Variants in DGCR8 observed in about 807,000 individuals in gnomAD.
DGCR8 encodes microprocessor complex subunit DGCR8.
A neutral mutation model predicts 78.5 loss-of-function variants in DGCR8; 14 were observed. That is an observed-to-expected ratio of 0.18 (90% CI 0.12 to 0.28). The LOEUF is 0.28. Among genes scored for constraint, DGCR8 ranks in the 10% least tolerant of loss-of-function variants. The probability of loss-of-function intolerance (pLI) is 1.00; values close to 1 mark genes in which losing one functional copy is unlikely to be tolerated. For synonymous variants in DGCR8, 399 were observed against 402.4 expected (o/e 0.99, Z 0.10); for missense variants, 702 against 1,022.5 (o/e 0.69, Z 4.28).
intron 1 of DGCR8, among the ~76,000 whole-genome samples, chr22:20,081,902 A>G (rs1415548852): frequency 6.6e-6 from 1 of 151,938 alleles, no homozygotes; most frequent in Admixed American, 6.6e-5. Context: ...ACCTATTTCT[A>G]AGCACAGACC....
At chr22:20,105,058 A>C (rs1011166391) in intron 9 of DGCR8, among the ~76,000 whole-genome samples, 1 of 152,250 alleles carries the variant, frequency 6.6e-6, no homozygotes, top group South Asian at 2.1e-4. Context: ...GCTGATGGGT[A>C]ATCTCCAGTG....
intron 1 of DGCR8, among the ~76,000 whole-genome samples, chr22:20,081,386 C>T (rs1452132872): frequency 6.6e-6 from 1 of 152,224 alleles, no homozygotes; most frequent in Non-Finnish European, 1.5e-5. Context: ...GGGAGCTTGC[C>T]GTGAGCCCGT....
intron 8 of DGCR8, 133 bp from the exon 9 acceptor site, chr22:20,094,580 G>T: frequency 1.3e-6 from 1 of 765,100 alleles, no homozygotes; most frequent in East Asian, 2.5e-5. Context: ...TCACTGAAGT[G>T]CTGTCTCTCC....
At chr22:20,107,237 A>AC (rs2049781895) in intron 11 of DGCR8, 34 bp from the exon 12 acceptor site, 1 of 1,613,258 alleles carries the variant, frequency 6.2e-7, no homozygotes, top group Admixed American at 1.7e-5. Flanking sequence ...GGTGTTTGTG[A>AC]CCCCCTCTCC....
Position 20,111,108 on chromosome 22 carries a change from G to A in DGCR8, c.*1000G>A, listed in dbSNP as rs544023681. The A allele has an allele frequency of 4.0e-5, 16 of 398,318 alleles. No homozygotes were observed. The highest frequency in any genetic ancestry group is 6.2e-5 in the Non-Finnish European group (14 of 226,066). 24.7% of individuals were successfully genotyped at this position (398,318 alleles called of 1,614,324 possible). On this transcript the variant is annotated 3_prime_UTR_variant, in exon 14 of 14. Transcript: ENST00000351989. The stretch of plus-strand genomic sequence containing the variant: ...ATCCAGAGCTGTTGCCTGTGACAGC[G>A]GTTTCTCTGGATGTCAAAGGCAGCT...
In DGCR8 at chr22:20,106,665, A is replaced by G; in HGVS notation, c.1963A>G (p.Met655Val). 6.2e-7 allele frequency: 1 copy of G among 1,613,974 alleles called. No homozygotes were observed. The highest frequency in any genetic ancestry group is 8.5e-7 in the Non-Finnish European group (1 of 1,179,828). ...GAAAAACCAGAAGAGTGAATACGTC[A>G]TGGCGTGTGGCAAGCACACAGTGCG... ...PGKNQKSEYV[M>V]ACGKHTVRGW... The change falls in exon 11 of 14, where the codon ATG (methionine) becomes GTG (valine). Residue 655 changes from methionine (M) to valine (V), a missense_variant. This residue lies in a region of DGCR8 where 225 missense variants were observed against 427.7 expected (regional missense o/e 0.53). Coordinates refer to ENST00000351989, the MANE Select transcript of DGCR8 (RefSeq NM_022720.7).
At chr22:20,098,561 GCTCT>G (rs1274208265) in intron 9 of DGCR8, among the ~76,000 whole-genome samples, 1 of 152,096 alleles carries the variant, frequency 6.6e-6, no homozygotes, top group East Asian at 1.9e-4. Context: ...ATATGTCCTT[GCTCT>G]CTATTTGTGA....
chr22:20,094,987 G>A (rs763411026), intron 9 of DGCR8, among the ~76,000 whole-genome samples, 192 bp downstream of exon 9: 1 of 152,092 alleles, frequency 6.6e-6, no homozygotes, highest in Non-Finnish European at 1.5e-5. Context: ...GTATAGGCAG[G>A]GAAAAAATGT....
intron 9 of DGCR8, 97 bp from the exon 10 acceptor site, chr22:20,106,080 C>T: frequency 2.2e-6 from 2 of 922,186 alleles, no homozygotes; most frequent in Non-Finnish European, 3.5e-6. Flanking sequence ...CTCACAAGAA[C>T]AGACATTAAG....
chr22:20,108,434 A>C (rs987928664), intron 12 of DGCR8: 2 of 154,494 alleles, frequency 1.3e-5, no homozygotes, highest in Non-Finnish European at 2.9e-5. Flanking sequence ...GGGCTGGCCT[A>C]AGACGGGAAG....
chr22:20,106,535 G>T, intron 10 of DGCR8, 57 bp from the exon 11 acceptor site: 2 of 1,326,296 alleles, frequency 1.5e-6, no homozygotes, highest in Non-Finnish European at 1.1e-6. Flanking sequence ...GGCCTCCTCA[G>T]AGGCAGCTGG....
Position 20,089,628 on chromosome 22 carries a change from T to C in DGCR8, c.881-41T>C. 6.2e-7 allele frequency: 1 copy of C among 1,608,568 alleles called. No individual in the cohort carries two copies. The highest frequency in any genetic ancestry group is 1.1e-5 in the South Asian group (1 of 90,810). On this transcript the variant is annotated intron_variant, in intron 3 of 13. Coordinates refer to ENST00000351989, the MANE Select transcript of DGCR8 (RefSeq NM_022720.7). The surrounding 1 kb of genome is among the most constrained non-coding windows in gnomAD (Gnocchi z 4.9). ...GGTGCTGTGGCAACAATTCCAAGTG[T>C]TTTTACAGTGATTATAGGATGTTCT...
chr22:20,087,064 C>T lies in DGCR8; in HGVS notation c.721-98C>T. 3 of 1,473,032 alleles carry T rather than the reference C, an allele frequency of 2.0e-6. No individual in the cohort carries two copies. Among genetic ancestry groups the T allele is most frequent in the South Asian group, 2.7e-5 (2 of 74,898 alleles). 91.2% of individuals were successfully genotyped at this position (1,473,032 alleles called of 1,614,324 possible). On this transcript the variant is annotated intron_variant, in intron 2 of 13. Coordinates refer to ENST00000351989, the MANE Select transcript of DGCR8 (RefSeq NM_022720.7). This position sits in a 1 kb window ranked among gnomAD's most constrained non-coding sequence, Gnocchi z 4.1. Reference sequence around the variant, plus strand: ...GGCACATCTAGGCCCCCTGAGAGCACCTCCTTTCTGTGTCTGTTCTCAGGA... The same window carrying T: ...GGCACATCTAGGCCCCCTGAGAGCATCTCCTTTCTGTGTCTGTTCTCAGGA...
intron 11 of DGCR8, chr22:20,106,976 CCTG>C (rs1295622304): frequency 3.5e-6 from 2 of 574,354 alleles, no homozygotes; most frequent in Non-Finnish European, 6.2e-6. Flanking sequence ...CCAGCAGAAT[CCTG>C]CTGCTCCCTG....
chr22:20,087,151 G>A lies in DGCR8; in HGVS notation c.721-11G>A, dbSNP rs766615189. 21 of 1,604,896 alleles carry A rather than the reference G, an allele frequency of 1.3e-5. No individual in the cohort carries two copies. Among genetic ancestry groups the A allele is most frequent in the East Asian group, 4.5e-5 (2 of 44,712 alleles). On this transcript the variant is annotated splice_polypyrimidine_tract_variant and intron_variant, in intron 2 of 13. Coordinates refer to ENST00000351989, the MANE Select transcript of DGCR8 (RefSeq NM_022720.7). This position sits in a 1 kb window ranked among gnomAD's most constrained non-coding sequence, Gnocchi z 4.1. The stretch of plus-strand genomic sequence containing the variant: ...CCAGGGGCTCTGGTGTCTGAACAGC[G>A]TGTTTTGCAGGATGACTTTGACAAC...
intron 9 of DGCR8, 90 bp downstream of exon 9, chr22:20,094,885 G>A (rs760261342): frequency 4.7e-5 from 53 of 1,124,174 alleles, no homozygotes; most frequent in Non-Finnish European, 6.8e-5. Context: ...TCCGTGGGCT[G>A]TGCTCATGCC....
rs1408208856 is a variant in DGCR8 at position 20,086,022 on chromosome 22, T to C, written c.59T>C (p.Met20Thr). ...LPCGPAGEAV[M>T]ESRARPFQAL... is the part of the protein sequence containing the mutation. ...TGTGGGCCCGCAGGAGAAGCGGTGATGGAGAGCCGAGCTCGCCCCTTCCAA... is the reference window on the plus strand; with the variant it reads ...TGTGGGCCCGCAGGAGAAGCGGTGACGGAGAGCCGAGCTCGCCCCTTCCAA... The change falls in exon 2 of 14, where the codon ATG becomes ACG. Residue 20 changes from methionine (M) to threonine (T), a missense_variant. Transcript: ENST00000351989. This position sits in a 1 kb window ranked among gnomAD's most constrained non-coding sequence, Gnocchi z 6.4. 6.2e-7 allele frequency: 1 copy of C among 1,613,262 alleles called. No individual in the cohort carries two copies. Among genetic ancestry groups the C allele is most frequent in the Admixed American group, 1.7e-5 (1 of 60,014 alleles).
At chr22:20,101,112 T>C (rs1489106703) in intron 9 of DGCR8, 3 of 848,538 alleles carry the variant, frequency 3.5e-6, no homozygotes, top group Non-Finnish European at 4.3e-6. Context: ...GGTGGGGTCG[T>C]TTTGAATCAC....
intron 8 of DGCR8, among the ~76,000 whole-genome samples, chr22:20,093,230 C>A (rs1340582488): frequency 6.6e-6 from 1 of 151,936 alleles, no homozygotes; most frequent in Admixed American, 6.6e-5. Flanking sequence ...ACGGTGAAAC[C>A]CTCTCTCTAC....
Sources: allele counts gnomAD v4.1 joint callset (sites outside exome capture counted in the v4.1 genomes callset), GRCh38; gene constraint gnomAD v4.1.1; regional missense constraint gnomAD v4.1.1; non-coding constraint Gnocchi (gnomAD v3.1); transcripts MANE v1.5; gene names NCBI Gene and HGNC (gene_info 2026-07-23, HGNC 2026-07-21).